The following DOP1A variants were observed in gnomAD, a reference collection of about 807,000 sequenced individuals.
DOP1A encodes protein DOP1A.
A neutral mutation model predicts 267.6 loss-of-function variants in DOP1A; 90 were observed. The observed-to-expected ratio is 0.34, with a 90% CI of 0.28 to 0.40. The LOEUF is 0.40. Ranked by LOEUF, DOP1A falls within the 10% of genes least tolerant of loss-of-function variation. The probability of loss-of-function intolerance (pLI) is 1.00; values close to 1 mark genes in which losing one functional copy is unlikely to be tolerated. For missense variants in DOP1A, 2,437 were observed against 2,900.4 expected (o/e 0.84, Z 3.67); for synonymous variants, 932 against 999.1 (o/e 0.93, Z 1.27).
At chr6:83,163,319 GACAA>G (rs953179797) in intron 38 of DOP1A, among the ~76,000 whole-genome samples, 4 of 152,014 alleles carry the variant, frequency 2.6e-5, no homozygotes, top group African/African-American at 7.2e-5. Context: ...ATGCCATGAT[GACAA>G]ACAAAAGTAT....
At chr6:83,170,565 C>G, downstream of DOP1A, 1 of 986,934 alleles carries the variant, frequency 1.0e-6, no homozygotes, top group Non-Finnish European at 1.5e-6. Context: ...CGAAAAGTGC[C>G]AGACTAAATA....
intron 7 of DOP1A, among the ~76,000 whole-genome samples, chr6:83,118,620 G>T (rs898966979): frequency 6.6e-6 from 1 of 152,032 alleles, no homozygotes; most frequent in Non-Finnish European, 1.5e-5. Flanking sequence ...GTCAGAATTT[G>T]CTTTTATTAT....
chr6:83,117,000 C>T (rs185742330), intron 7 of DOP1A, among the ~76,000 whole-genome samples: 14 of 152,160 alleles, frequency 9.2e-5, no homozygotes, highest in Admixed American at 3.3e-4. Flanking sequence ...AGTAATTCTT[C>T]GGGTAAAAAT....
At chr6:83,162,052 T>C (rs543191198) in intron 37 of DOP1A, among the ~76,000 whole-genome samples, 2 of 152,272 alleles carry the variant, frequency 1.3e-5, no homozygotes, top group East Asian at 3.9e-4. Context: ...ATATCCTACA[T>C]GTATAATTAA....
intron 8 of DOP1A, 46 bp downstream of exon 8, chr6:83,119,033 G>T: frequency 1.3e-6 from 2 of 1,547,828 alleles, no homozygotes; most frequent in South Asian, 1.1e-5. Context: ...AAAATGGAGG[G>T]AGATTTGTCA....
At chr6:83,097,521 C>G (rs1487378623) in intron 3 of DOP1A, among the ~76,000 whole-genome samples, 2 of 152,146 alleles carry the variant, frequency 1.3e-5, no homozygotes, top group African/African-American at 2.4e-5. Flanking sequence ...TATATAGCAA[C>G]AAGGAAACAT....
chr6:83,075,377 A>G (rs1010024568), intron 1 of DOP1A, among the ~76,000 whole-genome samples: 2 of 152,162 alleles, frequency 1.3e-5, no homozygotes, highest in Non-Finnish European at 1.5e-5. Flanking sequence ...AAGCAAGGTA[A>G]GTTCTATGAT....
chr6:83,118,802 A>T, intron 7 of DOP1A, 86 bp from the exon 8 acceptor site: 1 of 1,088,768 alleles, frequency 9.2e-7, no homozygotes, highest in Admixed American at 2.0e-5. Flanking sequence ...TAATATTCTA[A>T]GCATATTTCA....
intron 26 of DOP1A, among the ~76,000 whole-genome samples, chr6:83,148,415 AAAAAAAAGAC>A: frequency 6.6e-6 from 1 of 151,560 alleles, no homozygotes; most frequent in East Asian, 1.9e-4. Flanking sequence ...CTCCATCTCA[AAAAAAAAGAC>A]AAAAAAAGAA....
chr6:83,112,797 C>T (rs1774791505), intron 6 of DOP1A, among the ~76,000 whole-genome samples: 1 of 152,112 alleles, frequency 6.6e-6, no homozygotes, highest in Admixed American at 6.6e-5. Context: ...TGCACATACC[C>T]CAAGACCTGG....
intron 7 of DOP1A, among the ~76,000 whole-genome samples, chr6:83,113,971 C>T (rs184424639): frequency 8.1e-4 from 124 of 152,246 alleles, no homozygotes; most frequent in African/African-American, 2.5e-3. Context: ...GACTTATAAA[C>T]CTTGATGAAG....
At position 83,119,883 on chromosome 6, in the gene DOP1A, G is replaced by A. The variant is rs750847844; in HGVS notation, c.990+26G>A. On this transcript the variant is annotated intron_variant, in intron 9 of 38. Transcript: ENST00000349129. ...GTAATGAATACTTTTATTATTCTTT[G>A]GTTACTTACTGACCACTAGAGGTAG... 3.2e-6 allele frequency: 5 copies of A among 1,571,384 alleles called. No homozygotes were observed. The Middle Eastern group carries it at 5.0e-4, about 158-fold the overall frequency.
intron 38 of DOP1A, 26 bp from the exon 39 acceptor site, chr6:83,167,836 A>C: frequency 6.3e-7 from 1 of 1,586,668 alleles, no homozygotes; most frequent in Non-Finnish European, 8.6e-7. Flanking sequence ...TTGTATTAAT[A>C]CCAGTTCACT....
At position 83,154,346 on chromosome 6, in the gene DOP1A, T is replaced by C. The variant is rs1373014778; in HGVS notation, c.6451+105T>C. ...GACTAGGAGACTACTGAATTAGCTC[T>C]TTGTCAAGTGTCAGTGGGGATATGT... is the stretch of plus-strand genomic sequence containing the variant. On this transcript the variant is annotated intron_variant, in intron 33 of 38. Transcript: ENST00000349129. The C allele has an allele frequency of 3.9e-6, 4 of 1,028,224 alleles. No homozygotes were observed. The South Asian group carries it at 5.9e-5, about 15-fold the overall frequency. The allele number at this position is 1,028,224 out of a possible 1,614,324, so 63.7% of individuals were successfully genotyped here. A position where few individuals can be genotyped will look rare whatever the true frequency, so the allele number is the denominator to read the frequency against.
chr6:83,170,240 T>C, downstream of DOP1A: 6 of 1,457,400 alleles, frequency 4.1e-6, no homozygotes, highest in Non-Finnish European at 5.7e-6. Flanking sequence ...TAAAAACCAT[T>C]AAAATAGTTT....
intron 4 of DOP1A, among the ~76,000 whole-genome samples, chr6:83,104,891 T>C (rs533803955): frequency 6.6e-6 from 1 of 152,202 alleles, no homozygotes; most frequent in South Asian, 2.1e-4. Context: ...TTAGTCTTTT[T>C]AAAAACCAAC....
At chr6:83,093,843 T>C (rs536318954) in intron 1 of DOP1A, among the ~76,000 whole-genome samples, 26 of 152,292 alleles carry the variant, frequency 1.7e-4, no homozygotes, top group Non-Finnish European at 3.5e-4. Context: ...GAGGCGGAGA[T>C]TGCAGTGAGC....
At chr6:83,080,675 A>G (rs192913778) in intron 1 of DOP1A, among the ~76,000 whole-genome samples, 104 of 152,240 alleles carry the variant, frequency 6.8e-4, no homozygotes, top group Admixed American at 1.2e-3. Context: ...GTAGTATTTC[A>G]TCCCACTTCA....
chr6:83,130,979 C>T (rs1023984756), intron 17 of DOP1A, among the ~76,000 whole-genome samples: 4 of 152,002 alleles, frequency 2.6e-5, no homozygotes, highest in African/African-American at 4.8e-5. Flanking sequence ...CCTCAGTAAT[C>T]TGCCCGCCTC....
Sources: gnomAD v4.1 joint callset for allele counts (sites outside exome capture counted in the v4.1 genomes callset) on GRCh38, gnomAD v4.1.1 for gene constraint, MANE v1.5 for transcripts, NCBI Gene and HGNC (gene_info 2026-07-23, HGNC 2026-07-21) for gene names.